Variants in SHLD1 observed in about 807,000 individuals in gnomAD.
SHLD1 encodes shieldin complex subunit 1.
A neutral mutation model predicts 5.5 loss-of-function variants in SHLD1; 3 were observed. The observed-to-expected ratio is 0.54, with a 90% CI of 0.25 to 1.40. The LOEUF is 1.40. Among genes scored for constraint, SHLD1 ranks in the 40% most tolerant of loss-of-function variants. The pLI is 0.15. For synonymous variants in SHLD1, 92 were observed against 94.3 expected (o/e 0.98, Z 0.14); for missense variants, 210 against 244.4 (o/e 0.86, Z 0.94).
chr20:5,778,261 T>C (rs1327037418), intron 2 of SHLD1, among the ~76,000 whole-genome samples: 6 of 149,856 alleles, frequency 4.0e-5, no homozygotes, highest in Non-Finnish European at 7.4e-5. Flanking sequence ...GGACTACAGG[T>C]GCCCACCACC....
rs537725455 is a variant in SHLD1, at chr20:5,755,583, G to A, written c.-5+5104G>A. On this transcript the variant is annotated intron_variant, in intron 1 of 2. Transcript: ENST00000303142. Reference sequence around the variant, plus strand: ...TCTTTTTCTTTTTTTTTTTGAGATGGAGTTTCACTCTTGTTGCCCAGGCTG... The same window carrying A: ...TCTTTTTCTTTTTTTTTTTGAGATGAAGTTTCACTCTTGTTGCCCAGGCTG... Among the ~76,000 whole-genome samples, 5 of 151,654 alleles carry A rather than the reference G, an allele frequency of 3.3e-5. No homozygotes were observed. In the South Asian group the frequency reaches 1.0e-3, roughly 32 times the overall value.
rs1204952037 is a variant in SHLD1 at position 5,764,158 on chromosome 20, T to TTATATATATATATATATATTTTTATA, written c.-4-8687_-4-8686insATTTTTATATATATATATATATATAT. 6.2e-3 allele frequency among the ~76,000 whole-genome samples: 449 copies of TTATATATATATATATATATTTTTATA among 71,894 alleles called. 20 individuals are homozygous for TTATATATATATATATATATTTTTATA. Among genetic ancestry groups the TTATATATATATATATATATTTTTATA allele is most frequent in the African/African-American group, 0.022 (419 of 18,994 alleles). 47.2% of individuals were successfully genotyped at this position (71,894 alleles called of 152,430 possible). ...AAAAAAAATATATATATATTTATAT[T>TTATATATATATATATATATTTTTATA]TATATATATATATATATTTTTATAT... On this transcript the variant is annotated intron_variant, in intron 1 of 2. Transcript: ENST00000303142.
At chr20:5,772,830 T>C in intron 1 of SHLD1, 32 bp from the exon 2 acceptor site, 1 of 1,581,560 alleles carries the variant, frequency 6.3e-7, no homozygotes, top group East Asian at 2.2e-5. Flanking sequence ...TGGTGCCTTT[T>C]GTACTGAATT....
At chr20:5,804,305 A>G (rs974223451) in intron 2 of SHLD1, among the ~76,000 whole-genome samples, 6 of 151,302 alleles carry the variant, frequency 4.0e-5, no homozygotes, top group East Asian at 3.9e-4. Context: ...AGGTCTTTGT[A>G]TATATATATA....
intron 2 of SHLD1, among the ~76,000 whole-genome samples, chr20:5,782,488 A>G (rs1442703630): frequency 6.6e-6 from 1 of 152,186 alleles, no homozygotes; most frequent in Non-Finnish European, 1.5e-5. Flanking sequence ...AGATGTAGGA[A>G]ATATCAGCCC....
At chr20:5,755,653 A>AG (rs1984043392) in intron 1 of SHLD1, among the ~76,000 whole-genome samples, 1 of 151,660 alleles carries the variant, frequency 6.6e-6, no homozygotes, top group South Asian at 2.1e-4. Context: ...TCCGCCTCCC[A>AG]GGTTCAAGCG....
intron 1 of SHLD1, among the ~76,000 whole-genome samples, chr20:5,772,360 G>A (rs1985214225): frequency 6.6e-6 from 1 of 152,174 alleles, no homozygotes; most frequent in African/African-American, 2.4e-5. Flanking sequence ...TGACTAAGGG[G>A]CAGGTAGCAT....
chr20:5,759,540 C>T (rs1229156967), intron 1 of SHLD1, among the ~76,000 whole-genome samples: 2 of 151,926 alleles, frequency 1.3e-5, no homozygotes, highest in Non-Finnish European at 2.9e-5. Context: ...GGATTACGGT[C>T]TAAAAATTTT....
Position 5,772,854 on chromosome 20 carries a change from C to A in SHLD1, c.-4-8C>A, listed in dbSNP as rs765431774. 1 of 1,596,042 alleles carries A rather than the reference C, an allele frequency of 6.3e-7. No homozygotes were observed. Among genetic ancestry groups the A allele is most frequent in the Non-Finnish European group, 8.5e-7 (1 of 1,171,606 alleles). ...TTGTACTGAATTGTTTTCTTTTTTC[C>A]ATGGCAGGACTATGGCAGCCAGGGA... On this transcript the variant is annotated splice_polypyrimidine_tract_variant and splice_region_variant and intron_variant, in intron 1 of 2. Transcript: ENST00000303142.
chr20:5,765,068 A>T (rs980362208), intron 1 of SHLD1: 1 of 148,452 alleles, frequency 6.7e-6, no homozygotes, highest in Non-Finnish European at 1.5e-5. Context: ...ATGTTTATTT[A>T]TTTATTATTT....
intron 2 of SHLD1, among the ~76,000 whole-genome samples, chr20:5,862,246 A>AAT (rs1435606021): frequency 3.9e-5 from 6 of 152,248 alleles, no homozygotes; most frequent in African/African-American, 1.4e-4. Flanking sequence ...AACATACTAT[A>AAT]ATATGATATG....
rs1403305952 is a variant in SHLD1 at position 5,750,509 on chromosome 20, G to A, written c.-5+30G>A. 4 of 135,476 alleles carry A rather than the reference G, an allele frequency of 3.0e-5. No homozygotes were observed. The East Asian group carries it at 8.6e-4, about 29-fold the overall frequency. 8.4% of individuals were successfully genotyped at this position (135,476 alleles called of 1,614,324 possible). ...GCGCGGGATGGGATGGGGGGGGGTT[G>A]GAGTGGTGGGGGCGGGGGTCACAGC... On this transcript the variant is annotated intron_variant, in intron 1 of 2. Coordinates refer to ENST00000303142, the MANE Select transcript of SHLD1 (RefSeq NM_152504.4).
chr20:5,776,882 AGT>A (rs201256186), intron 2 of SHLD1, among the ~76,000 whole-genome samples: 2,528 of 152,236 alleles, frequency 0.017, 27 homozygotes, highest in Non-Finnish European at 0.026. Context: ...TCCACACTGC[AGT>A]GTTTTAGGGC....
intron 2 of SHLD1, among the ~76,000 whole-genome samples, chr20:5,808,557 A>G (rs1173361843): frequency 6.6e-6 from 1 of 152,188 alleles, no homozygotes; most frequent in Non-Finnish European, 1.5e-5. Flanking sequence ...TAGCTCTCTC[A>G]TATTTTTACT....
chr20:5,832,797 TAATAAATAAATAAATAAATA>T (rs56210743), intron 2 of SHLD1, among the ~76,000 whole-genome samples: 6,763 of 143,820 alleles, frequency 0.047, 527 homozygotes, highest in African/African-American at 0.16. Context: ...GAAATCAAAA[TAATAAATAAATAAATAAATA>T]AATAAATAAA....
At chr20:5,808,265 C>CAAAAAAAAAAAAAAAA (rs993596036) in intron 2 of SHLD1, among the ~76,000 whole-genome samples, 1 of 24,750 alleles carries the variant, frequency 4.0e-5, no homozygotes, top group Non-Finnish European at 9.7e-5. Context: ...GACTCCATCT[C>CAAAAAAAAAAAAAAAA]AAAAAAAAAA....
intron 2 of SHLD1, among the ~76,000 whole-genome samples, chr20:5,795,430 T>A (rs2087197479): frequency 6.6e-6 from 1 of 151,750 alleles, no homozygotes; most frequent in Admixed American, 6.6e-5. Context: ...AACCCCCCTC[T>A]GTACTAAAAA....
At chr20:5,861,622 GA>G (rs1433349667) in intron 2 of SHLD1, among the ~76,000 whole-genome samples, 8 of 152,168 alleles carry the variant, frequency 5.3e-5, no homozygotes, top group Non-Finnish European at 1.0e-4. Flanking sequence ...AGACATTCTA[GA>G]AGAGAGATTG....
chr20:5,810,887 C>CA (rs10627373), intron 2 of SHLD1, among the ~76,000 whole-genome samples: 4,710 of 120,758 alleles, frequency 0.039, 235 homozygotes, highest in African/African-American at 0.13. Context: ...GACTCTGTCT[C>CA]AAAAAAAAAA....
Sources: allele counts gnomAD v4.1 joint callset (sites outside exome capture counted in the v4.1 genomes callset), GRCh38; gene constraint gnomAD v4.1.1; transcripts MANE v1.5; gene names NCBI Gene and HGNC (gene_info 2026-07-23, HGNC 2026-07-21).